The following EML1 variants were observed in gnomAD, a reference collection of about 807,000 sequenced individuals.
The protein encoded by EML1 is EMAP like 1.
EML1 carries 27 observed loss-of-function variants against 110.4 expected under a neutral mutation model. The observed-to-expected ratio is 0.24, with a 90% confidence interval of 0.18 to 0.34. The LOEUF (loss-of-function observed/expected upper bound fraction) is 0.34. EML1 is among the 10% of genes least tolerant of loss of function. The pLI is 1.00. For synonymous variants in EML1, 344 were observed against 385.8 expected (o/e 0.89, Z 1.27); for missense variants, 741 against 1,030.9 (o/e 0.72, Z 3.85).
chr14:99,806,925 C>T (rs2057987080), intron 1 of EML1, among the ~76,000 whole-genome samples: 1 of 152,182 alleles, frequency 6.6e-6, no homozygotes, highest in Non-Finnish European at 1.5e-5. Context: ...CATTCTCTCC[C>T]AATTAGCTAA....
chr14:99,760,985 A>G (rs2057308396), intron 1 of EML1, among the ~76,000 whole-genome samples: 1 of 151,978 alleles, frequency 6.6e-6, no homozygotes, highest in Admixed American at 6.6e-5. Context: ...AACCACAGAC[A>G]AATGCCAGAG....
intron 8 of EML1, chr14:99,899,558 C>G (rs1292229951): frequency 6.6e-6 from 1 of 152,190 alleles, no homozygotes; most frequent in Non-Finnish European, 1.5e-5. Context: ...CTCAAGCGAT[C>G]TGCCCACCTC....
intron 1 of EML1, among the ~76,000 whole-genome samples, chr14:99,780,982 G>A (rs974388308): frequency 6.6e-6 from 1 of 152,160 alleles, no homozygotes; most frequent in Non-Finnish European, 1.5e-5. Context: ...TGAATCAATG[G>A]TTGAAGCCTC....
chr14:99,850,009 G>T, intron 1 of EML1: 1 of 304,298 alleles, frequency 3.3e-6, no homozygotes, highest in East Asian at 8.8e-5. Context: ...GCTCACTGCA[G>T]CCTTGACCTC....
chr14:99,776,051 A>G (rs1201836587), intron 1 of EML1, among the ~76,000 whole-genome samples: 1 of 152,210 alleles, frequency 6.6e-6, no homozygotes, highest in Non-Finnish European at 1.5e-5. Flanking sequence ...CTGCTTTCAA[A>G]TGGTGCAACA....
intron 6 of EML1, among the ~76,000 whole-genome samples, chr14:99,895,338 G>A (rs116424772): frequency 0.019 from 2,916 of 152,062 alleles, 100 homozygotes; most frequent in African/African-American, 0.068. Flanking sequence ...CAAAGTGCTG[G>A]GATTATAGGC....
At chr14:99,897,393 C>T (rs2059689523) in intron 7 of EML1, 99 bp downstream of exon 7, 1 of 1,191,940 alleles carries the variant, frequency 8.4e-7, no homozygotes, top group East Asian at 2.8e-5. Flanking sequence ...ACAGTGAAAC[C>T]CTGTCTCTAA....
rs972607151 is a variant in EML1 at position 99,781,953 on chromosome 14, T to A, written c.-27+7940T>A. On this transcript the variant is annotated intron_variant, in intron 1 of 22. Transcript: ENST00000327921. The surrounding 1 kb of genome is among the most constrained non-coding windows in gnomAD (Gnocchi z 4.2). ...GGTTTCACTAATCCCCATGTGTCTG[T>A]CGGTCCCAAACCCAAGCAACAAATA... Among the ~76,000 whole-genome samples the A allele has an allele frequency of 6.6e-6, 1 of 152,188 alleles. No individual in the cohort carries two copies. Among genetic ancestry groups the A allele is most frequent in the African/African-American group, 2.4e-5 (1 of 41,432 alleles).
chr14:99,785,450 G>A (rs2057588557), intron 1 of EML1, among the ~76,000 whole-genome samples: 1 of 152,198 alleles, frequency 6.6e-6, no homozygotes, highest in Admixed American at 6.5e-5. Context: ...AAAGGCAAGA[G>A]ATGGCAAGAG....
At chr14:99,826,269 C>T (rs11626043) in intron 1 of EML1, among the ~76,000 whole-genome samples, 12,951 of 151,950 alleles carry the variant, frequency 0.085, 712 homozygotes, top group Non-Finnish European at 0.11. Context: ...TGTGCCACCA[C>T]GCCCTGCTAA....
chr14:99,876,467 CCTT>C (rs759582656), intron 3 of EML1, among the ~76,000 whole-genome samples: 13 of 152,174 alleles, frequency 8.5e-5, no homozygotes, highest in Non-Finnish European at 1.5e-4. Flanking sequence ...GCGCACCACT[CCTT>C]CTCTCCTGGT....
intron 1 of EML1, among the ~76,000 whole-genome samples, chr14:99,796,249 G>A (rs2057772792): frequency 6.8e-6 from 1 of 147,904 alleles, no homozygotes; most frequent in South Asian, 2.1e-4. Context: ...GTGTAAATGA[G>A]AAGGGAGAAA....
intron 1 of EML1, among the ~76,000 whole-genome samples, chr14:99,746,512 C>T (rs1396674984): frequency 4.6e-5 from 7 of 152,008 alleles, no homozygotes; most frequent in Non-Finnish European, 8.8e-5. Flanking sequence ...GGGGTGGGGG[C>T]GGATGTGCAG....
chr14:99,933,338 G>C (rs991458176), intron 17 of EML1, among the ~76,000 whole-genome samples: 4 of 152,174 alleles, frequency 2.6e-5, no homozygotes, highest in African/African-American at 7.2e-5. Context: ...ACTGCCTCCA[G>C]CTAATTTTTG....
At chr14:99,885,149 A>G (rs2059452311) in intron 4 of EML1, among the ~76,000 whole-genome samples, 1 of 152,266 alleles carries the variant, frequency 6.6e-6, no homozygotes, top group Non-Finnish European at 1.5e-5. Context: ...CTCAATAACT[A>G]TTTGTTGAAT....
chr14:99,810,057 G>T (rs1434725058), intron 1 of EML1, among the ~76,000 whole-genome samples: 1 of 152,212 alleles, frequency 6.6e-6, no homozygotes, highest in Non-Finnish European at 1.5e-5. Flanking sequence ...TCAGGGCACT[G>T]CTGCTGACTT....
chr14:99,867,879 G>A (rs1328337793), intron 3 of EML1, among the ~76,000 whole-genome samples: 1 of 152,012 alleles, frequency 6.6e-6, no homozygotes, highest in Non-Finnish European at 1.5e-5. Flanking sequence ...GGCAAGAGTG[G>A]GTATCTTGCC....
intron 4 of EML1, among the ~76,000 whole-genome samples, chr14:99,883,699 C>T (rs954674962): frequency 1.3e-5 from 2 of 152,178 alleles, no homozygotes; most frequent in African/African-American, 4.8e-5. Context: ...AAATGCCATT[C>T]TTGTGCATAT....
chr14:99,924,795 G>T (rs558980718), intron 17 of EML1, among the ~76,000 whole-genome samples: 173 of 152,196 alleles, frequency 1.1e-3, no homozygotes, highest in African/African-American at 4.0e-3. Context: ...AGCATGAATG[G>T]GGTTGGAGTT....
Sources: allele counts gnomAD v4.1 joint callset (sites outside exome capture counted in the v4.1 genomes callset), GRCh38; gene constraint gnomAD v4.1.1; non-coding constraint Gnocchi (gnomAD v3.1); transcripts MANE v1.5; gene names NCBI Gene and HGNC (gene_info 2026-07-23, HGNC 2026-07-21).